FAM76B: variants seen among roughly 807,000 people sequenced by gnomAD.
FAM76B encodes protein FAM76B.
A neutral mutation model predicts 51.8 loss-of-function variants in FAM76B; 16 were observed. The ratio of observed to expected loss-of-function variants is 0.31; its 90% CI spans 0.21 to 0.47. The LOEUF (loss-of-function observed/expected upper bound fraction) is 0.47. Among genes scored for constraint, FAM76B ranks in the 20% least tolerant of loss-of-function variants. The pLI is 1.00. For synonymous variants in FAM76B, 166 were observed against 129.5 expected (o/e 1.28, Z -1.91); for missense variants, 342 against 392.6 (o/e 0.87, Z 1.09).
intron 5 of FAM76B, among the ~76,000 whole-genome samples, chr11:95,780,491 T>G (rs1860211203): frequency 6.6e-6 from 1 of 151,986 alleles, no homozygotes; most frequent in South Asian, 2.1e-4. Flanking sequence ...ATTGAGAAAT[T>G]TCATAGTAAC....
intron 4 of FAM76B, 150 bp from the exon 5 acceptor site, chr11:95,783,414 A>G: frequency 1.6e-6 from 1 of 625,052 alleles, no homozygotes; most frequent in Non-Finnish European, 2.7e-6. Context: ...TCTGCAAAAC[A>G]GAAATAAAAC....
At position 95,786,232 on chromosome 11, in the gene FAM76B, C is replaced by T; in HGVS notation, c.250G>A (p.Gly84Ser). 6.2e-7 allele frequency: 1 copy of T among 1,614,040 alleles called. No homozygotes were observed. The highest frequency in any genetic ancestry group is 8.5e-7 in the Non-Finnish European group (1 of 1,179,992). Residue 84 changes from glycine to serine, a missense_variant, in exon 4 of 10, where the codon GGT becomes AGT. Transcript: ENST00000358780. ...TTTGTGCAACGCTGACACTTGGTAC[C>T]AATAAATGCTGCAATTATGTTACAG... ...QYCNIIAAFI[G>S]TKCQRCTNSE...
chr11:95,778,755 A>G (rs1219126763), intron 8 of FAM76B, 67 bp downstream of exon 8: 2 of 1,483,680 alleles, frequency 1.3e-6, no homozygotes, highest in African/African-American at 2.9e-5. Context: ...AGTCTAATAA[A>G]ATTTGCGATT....
At chr11:95,782,998 T>G in intron 5 of FAM76B, 67 bp downstream of exon 5, 5 of 1,581,200 alleles carry the variant, frequency 3.2e-6, no homozygotes, top group East Asian at 2.2e-5. Context: ...TTGCAAGAAG[T>G]AAACATCAAT....
intron 9 of FAM76B, among the ~76,000 whole-genome samples, chr11:95,773,719 T>G (rs1859874223): frequency 6.6e-6 from 1 of 151,320 alleles, no homozygotes; most frequent in South Asian, 2.1e-4. Context: ...CAGTTCCTGG[T>G]ACACAGAAGG....
At position 95,778,889 on chromosome 11, in the gene FAM76B, T is replaced by C. The variant is rs1180551630; in HGVS notation, c.761A>G (p.Glu254Gly). Residue 254 changes from glutamate to glycine, a missense_variant, in exon 8 of 10, where the codon GAA becomes GGA. This residue lies in a region of FAM76B where 230 missense variants were observed against 257.4 expected (regional missense o/e 0.89). Transcript: ENST00000358780. ...GAGACGCTTAAGTGACATCACTTCT[T>C]CTTTCAATTGACTTATAAGGACAAA... ...DNFVLISQLK[E>G]EVMSLKRLLQ... The C allele has an allele frequency of 3.1e-6, 5 of 1,610,978 alleles. No individual in the cohort carries two copies. Among genetic ancestry groups the C allele is most frequent in the Non-Finnish European group, 3.4e-6 (4 of 1,178,094 alleles).
chr11:95,786,978 A>G (rs1257403589), intron 3 of FAM76B, among the ~76,000 whole-genome samples: 14 of 152,174 alleles, frequency 9.2e-5, no homozygotes, highest in Non-Finnish European at 2.1e-4. Context: ...GCTGTTTTAT[A>G]AAAATAGTTC....
chr11:95,784,569 TATACAC>T (rs1860452771), intron 4 of FAM76B, among the ~76,000 whole-genome samples: 1 of 148,386 alleles, frequency 6.7e-6, no homozygotes, highest in Non-Finnish European at 1.5e-5. Context: ...TGTGTGTATA[TATACAC>T]ACACACACAC....
At chr11:95,786,773 A>G (rs934275876) in intron 3 of FAM76B, 1 of 152,488 alleles carries the variant, frequency 6.6e-6, no homozygotes, top group Admixed American at 6.5e-5. Flanking sequence ...TATTCAACAT[A>G]AACTATAAAA....
intron 7 of FAM76B, chr11:95,779,184 G>C (rs1015641763): frequency 6.5e-7 from 1 of 1,533,126 alleles, no homozygotes; most frequent in Non-Finnish European, 8.8e-7. Context: ...AATACTTCTA[G>C]TGTAAAGCAA....
At chr11:95,775,003 G>GAA (rs58327720) in intron 9 of FAM76B, among the ~76,000 whole-genome samples, 46 of 140,942 alleles carry the variant, frequency 3.3e-4, no homozygotes, top group South Asian at 9.0e-4. Flanking sequence ...GTTACAATGT[G>GAA]AAAAAAAAAA....
intron 1 of FAM76B, chr11:95,789,090 T>C (rs1395419671): frequency 7.1e-7 from 1 of 1,411,850 alleles, no homozygotes; most frequent in Non-Finnish European, 9.3e-7. Flanking sequence ...CCCCTGGGTC[T>C]CTGCGGCATA....
rs554234870 is a variant in FAM76B at position 95,782,311 on chromosome 11, G to T, written c.563+754C>A. On this transcript the variant is annotated intron_variant, in intron 5 of 9. Transcript: ENST00000358780. The stretch of plus-strand genomic sequence containing the variant: ...GAAATGTATGGGACCACCTATAGGA[G>T]AATTTTTTTTTCCCAACCAAATACG... Among the ~76,000 whole-genome samples the T allele has an allele frequency of 5.9e-5, 9 of 152,186 alleles. No individual in the cohort carries two copies. In the South Asian group the frequency reaches 1.7e-3, roughly 28 times the overall value.
chr11:95,787,893 T>C (rs1860689784), intron 2 of FAM76B, among the ~76,000 whole-genome samples: 1 of 152,238 alleles, frequency 6.6e-6, no homozygotes, highest in South Asian at 2.1e-4. Context: ...TTACTTTTTG[T>C]AAACAAAACA....
At chr11:95,789,280 C>T (rs1860835673) in intron 1 of FAM76B, 112 bp downstream of exon 1, 7 of 1,232,554 alleles carry the variant, frequency 5.7e-6, no homozygotes, top group Non-Finnish European at 8.0e-6. Flanking sequence ...GGGCTCCAGA[C>T]TCCCAAACCC....
intron 5 of FAM76B, among the ~76,000 whole-genome samples, chr11:95,782,824 A>G (rs1049553515): frequency 1.3e-5 from 2 of 152,200 alleles, no homozygotes; most frequent in East Asian, 1.9e-4. Flanking sequence ...TTGACTTTAC[A>G]TGGTTATAAT....
chr11:95,788,834 T>C lies in FAM76B; in HGVS notation c.88-271A>G, dbSNP rs1038441968. 9.7e-6 allele frequency: 14 copies of C among 1,436,710 alleles called. No individual in the cohort carries two copies. In the South Asian group the frequency reaches 1.2e-4, roughly 12 times the overall value. 89.0% of individuals were successfully genotyped at this position (1,436,710 alleles called of 1,614,324 possible). A position where few individuals can be genotyped will look rare whatever the true frequency, so the allele number is the denominator to read the frequency against. Reference sequence around the variant, plus strand: ...GGGCCTATTTCAAGGATTGGTTAAATGTGAAACTACTTATTATTTTGCACC... The same window carrying C: ...GGGCCTATTTCAAGGATTGGTTAAACGTGAAACTACTTATTATTTTGCACC... On this transcript the variant is annotated intron_variant, in intron 1 of 9. Coordinates refer to ENST00000358780, the MANE Select transcript of FAM76B (RefSeq NM_144664.5).
chr11:95,788,769 G>A, intron 1 of FAM76B: 23 of 1,414,594 alleles, frequency 1.6e-5, no homozygotes, highest in Non-Finnish European at 2.1e-5. Context: ...GTCTTTAGTA[G>A]ACGTGGGGGT....
intron 9 of FAM76B, among the ~76,000 whole-genome samples, chr11:95,772,152 A>C (rs1859794493): frequency 6.6e-6 from 1 of 151,144 alleles, no homozygotes; most frequent in Non-Finnish European, 1.5e-5. Flanking sequence ...AAAACAACTC[A>C]GAATTTGTTA....
Sources: allele counts gnomAD v4.1 joint callset (sites outside exome capture counted in the v4.1 genomes callset), GRCh38; gene constraint gnomAD v4.1.1; regional missense constraint gnomAD v4.1.1; transcripts MANE v1.5; gene names NCBI Gene and HGNC (gene_info 2026-07-23, HGNC 2026-07-21).